Variants in CNTNAP5 observed in about 807,000 individuals in gnomAD.
The protein encoded by CNTNAP5 is contactin associated protein family member 5, also known as contactin-associated protein-like 5.
CNTNAP5 carries 72 observed loss-of-function variants against 150.2 expected under a neutral mutation model. The ratio of observed to expected loss-of-function variants is 0.48; its 90% confidence interval spans 0.40 to 0.58. The LOEUF is 0.58. Ranked by LOEUF, CNTNAP5 falls within the 20% of genes least tolerant of loss-of-function variation. CNTNAP5 has a pLI of 0.00. For missense variants in CNTNAP5, 1,636 were observed against 1,626.2 expected (o/e 1.01, Z -0.10); for synonymous variants, 672 against 619.8 (o/e 1.08, Z -1.25).
chr2:124,559,883 C>T (rs567708287), intron 10 of CNTNAP5, among the ~76,000 whole-genome samples: 16 of 152,144 alleles, frequency 1.1e-4, no homozygotes, highest in Non-Finnish European at 1.8e-4. Context: ...ATGAACCAAG[C>T]TTGAAGGCAG....
At chr2:124,167,935 A>G (rs1305559008) in intron 1 of CNTNAP5, among the ~76,000 whole-genome samples, 2 of 152,190 alleles carry the variant, frequency 1.3e-5, no homozygotes, top group Non-Finnish European at 2.9e-5. Flanking sequence ...GTAGGGAGGA[A>G]GAGAAGAAAG....
intron 12 of CNTNAP5, among the ~76,000 whole-genome samples, chr2:124,636,335 C>A (rs1170114119): frequency 6.6e-6 from 1 of 152,112 alleles, no homozygotes; most frequent in Non-Finnish European, 1.5e-5. Context: ...CATTACATAT[C>A]TAATGCATGG....
intron 1 of CNTNAP5, among the ~76,000 whole-genome samples, chr2:124,096,982 G>C (rs1214289375): frequency 2.6e-5 from 4 of 152,068 alleles, no homozygotes. Context: ...AGGATTACAG[G>C]TGTGAGCCAG....
intron 3 of CNTNAP5, among the ~76,000 whole-genome samples, chr2:124,336,680 C>T (rs1019215346): frequency 1.3e-5 from 2 of 151,874 alleles, no homozygotes; most frequent in Non-Finnish European, 2.9e-5. Context: ...CAGCTTCATC[C>T]ATGTCCCTGC....
intron 13 of CNTNAP5, among the ~76,000 whole-genome samples, chr2:124,720,737 C>G (rs1001430546): frequency 6.6e-6 from 1 of 152,100 alleles, no homozygotes; most frequent in Non-Finnish European, 1.5e-5. Flanking sequence ...AATCAATTTG[C>G]TATAGCAAAG....
Position 124,671,798 on chromosome 2 carries a change from C to T in CNTNAP5, c.2077+23840C>T, listed in dbSNP as rs184427137. On this transcript the variant is annotated intron_variant, in intron 13 of 23. Coordinates refer to ENST00000682447, the MANE Select transcript of CNTNAP5 (RefSeq NM_001367498.1). Reference sequence around the variant, plus strand: ...GTGATTACAGGTGTGCACCACCATGCCTGGCTAGTTTTTGTATTTTTAGTA... The same window carrying T: ...GTGATTACAGGTGTGCACCACCATGTCTGGCTAGTTTTTGTATTTTTAGTA... Among the ~76,000 whole-genome samples the T allele has an allele frequency of 1.2e-4, 18 of 152,192 alleles. No individual in the cohort carries two copies. In the South Asian group the frequency reaches 1.2e-3, roughly 11 times the overall value.
chr2:124,558,703 T>C (rs1695817328), intron 10 of CNTNAP5, among the ~76,000 whole-genome samples: 1 of 152,214 alleles, frequency 6.6e-6, no homozygotes, highest in Non-Finnish European at 1.5e-5. Context: ...CATCACACTT[T>C]TCCCAGGCCT....
chr2:124,662,760 C>T (rs1251562863), intron 13 of CNTNAP5, among the ~76,000 whole-genome samples: 1 of 152,122 alleles, frequency 6.6e-6, no homozygotes, highest in Non-Finnish European at 1.5e-5. Context: ...GAGATGTTTG[C>T]CAACTAGAAC....
chr2:124,901,926 G>T (rs1158965413), intron 21 of CNTNAP5, among the ~76,000 whole-genome samples: 1 of 152,068 alleles, frequency 6.6e-6, no homozygotes, highest in East Asian at 1.9e-4. Flanking sequence ...ATCAGTGGAG[G>T]CTCTTTGACC....
intron 3 of CNTNAP5, among the ~76,000 whole-genome samples, chr2:124,408,041 C>T (rs913908831): frequency 3.3e-5 from 5 of 152,178 alleles, no homozygotes; most frequent in Non-Finnish European, 5.9e-5. Context: ...GTACGCCAGC[C>T]GAAGCAGGGC....
chr2:124,438,636 A>G (rs1692596266), intron 5 of CNTNAP5, among the ~76,000 whole-genome samples: 1 of 152,202 alleles, frequency 6.6e-6, no homozygotes, highest in African/African-American at 2.4e-5. Flanking sequence ...CTGAGATGCC[A>G]GAGAAAGTTC....
At chr2:124,476,613 T>C (rs1242275238) in intron 7 of CNTNAP5, among the ~76,000 whole-genome samples, 7 of 152,148 alleles carry the variant, frequency 4.6e-5, no homozygotes, top group Non-Finnish European at 7.4e-5. Context: ...GTTGATACCA[T>C]AGGGAGAGAC....
intron 13 of CNTNAP5, among the ~76,000 whole-genome samples, chr2:124,674,897 GC>G (rs1457198689): frequency 6.6e-6 from 1 of 151,708 alleles, no homozygotes; most frequent in Non-Finnish European, 1.5e-5. Flanking sequence ...TTATTTTTAA[GC>G]ATATGGTCTA....
intron 2 of CNTNAP5, among the ~76,000 whole-genome samples, chr2:124,229,960 C>T (rs1686572756): frequency 6.6e-6 from 1 of 151,756 alleles, no homozygotes; most frequent in Non-Finnish European, 1.5e-5. Flanking sequence ...AAATTTTAAT[C>T]CGTCTTCCTC....
At chr2:124,459,757 G>GTA (rs1693204266) in intron 6 of CNTNAP5, among the ~76,000 whole-genome samples, 1 of 60,100 alleles carries the variant, frequency 1.7e-5, no homozygotes, top group South Asian at 9.5e-4. Flanking sequence ...AAATTCCTCT[G>GTA]TAAAAAAAAA....
chr2:124,130,448 G>A (rs1310401230), intron 1 of CNTNAP5, among the ~76,000 whole-genome samples: 1 of 151,854 alleles, frequency 6.6e-6, no homozygotes, highest in Non-Finnish European at 1.5e-5. Context: ...TCTTGCAGGT[G>A]GAATGAGTGC....
chr2:124,098,308 C>G (rs1204078290), intron 1 of CNTNAP5, among the ~76,000 whole-genome samples: 2 of 152,110 alleles, frequency 1.3e-5, no homozygotes, highest in Non-Finnish European at 2.9e-5. Context: ...TCATTGTTTT[C>G]ATGCTGAGTA....
intron 12 of CNTNAP5, among the ~76,000 whole-genome samples, chr2:124,628,801 G>T (rs1413831628): frequency 6.6e-6 from 1 of 152,134 alleles, no homozygotes; most frequent in African/African-American, 2.4e-5. Context: ...CCATCAGTGT[G>T]CCATATTAAA....
chr2:124,507,658 C>G (rs909088239), intron 8 of CNTNAP5, among the ~76,000 whole-genome samples: 1 of 152,212 alleles, frequency 6.6e-6, no homozygotes, highest in Non-Finnish European at 1.5e-5. Flanking sequence ...TGTTTGGACT[C>G]TCAGTCCTCG....
Sources: allele counts gnomAD v4.1 joint callset (sites outside exome capture counted in the v4.1 genomes callset), GRCh38; gene constraint gnomAD v4.1.1; transcripts MANE v1.5; gene names NCBI Gene and HGNC (gene_info 2026-07-23, HGNC 2026-07-21).